Variants in ZNF112 observed in about 807,000 individuals in gnomAD.
ZNF112 encodes the protein zinc finger protein 112 (Y14).
Under a neutral mutation model 77.7 loss-of-function variants are expected in ZNF112, and 37 were observed. The ratio of observed to expected loss-of-function variants is 0.48; its 90% confidence interval spans 0.37 to 0.63. The LOEUF (loss-of-function observed/expected upper bound fraction) is 0.63, where lower values mean the gene tolerates loss of function less well. ZNF112 is among the 20% of genes least tolerant of loss of function. ZNF112 has a pLI of 0.00. For missense variants in ZNF112, 950 were observed against 1,077.4 expected (o/e 0.88, Z 1.66); for synonymous variants, 333 against 363.6 (o/e 0.92, Z 0.96).
chr19:44,343,246 C>T (rs1970524267), intron 1 of ZNF112: 1 of 1,612,900 alleles, frequency 6.2e-7, no homozygotes, highest in Non-Finnish European at 8.5e-7. Context: ...AAATGAAAAC[C>T]AGCTCACCTG....
At chr19:44,360,195 G>T (rs138450572), upstream of ZNF112, among the ~76,000 whole-genome samples, 6,762 of 149,964 alleles carry the variant, frequency 0.045, 524 homozygotes, top group African/African-American at 0.16. Flanking sequence ...GATGGAGATT[G>T]CAGTGAGCTG....
chr19:44,338,208 A>T (rs180915902), intron 2 of ZNF112, among the ~76,000 whole-genome samples: 9 of 152,248 alleles, frequency 5.9e-5, no homozygotes, highest in African/African-American at 1.9e-4. Flanking sequence ...CCCTACAAAT[A>T]ACATTGAAAT....
rs1423812884 is a variant in ZNF112, at chr19:44,329,839, A to T, written c.318T>A (p.Ser106Arg). 4 of 1,613,954 alleles carry T rather than the reference A, an allele frequency of 2.5e-6. No individual in the cohort carries two copies. The highest frequency in any genetic ancestry group is 3.4e-6 in the Non-Finnish European group (4 of 1,179,984). Residue 106 changes from serine (S) to arginine (R), a missense_variant, in exon 4 of 4, where the codon AGT becomes AGA. Around this residue, in one of 3 missense-constraint regions of ZNF112, gnomAD observed 560 missense variants for 557.3 expected, o/e 1.00. Coordinates refer to ENST00000354340, the MANE Select transcript of ZNF112 (RefSeq NM_013380.4). ...CTTGACACCTGATTAACCCACCTGC[A>T]CTTTGTTGCCAGGTCTGACGGGAGG... ...ELSSRQTWQQ[S>R]AGGLIRCQDF... is the part of the protein sequence containing the mutation.
intron 3 of ZNF112, among the ~76,000 whole-genome samples, chr19:44,333,879 C>G (rs981267108): frequency 6.6e-6 from 1 of 152,004 alleles, no homozygotes; most frequent in East Asian, 1.9e-4. Context: ...TATAAAGATA[C>G]CTGAAAACGT....
chr19:44,350,750 A>C (rs953792357), intron 1 of ZNF112, among the ~76,000 whole-genome samples: 1 of 152,048 alleles, frequency 6.6e-6, no homozygotes, highest in Non-Finnish European at 1.5e-5. Context: ...GTGTTTTCAG[A>C]CCTTGATGCA....
rs141323572 is a variant in ZNF112, at chr19:44,328,790, T to G, written c.1367A>C (p.Gln456Pro). The change falls in exon 4 of 4, where the codon CAG becomes CCG. Residue 456 changes from glutamine to proline, a missense_variant. By Grantham distance (76) the Gln-to-Pro change is moderately conservative (BLOSUM62 -1). Around this residue, in one of 3 missense-constraint regions of ZNF112, gnomAD observed 560 missense variants for 557.3 expected, o/e 1.00. Coordinates refer to ENST00000354340, the MANE Select transcript of ZNF112 (RefSeq NM_013380.4). ...TGGTTGTTCCTTAGTGTGGACTATC[T>G]GAAGGTCCTGAAAATGTGAGGCCAG... ...FSLASHFQDL[Q>P]IVHTKEQPYK... 1.4e-4 allele frequency: 228 copies of G among 1,614,110 alleles called. No individual in the cohort carries two copies. In the African/African-American group the frequency reaches 2.7e-3, roughly 19 times the overall value.
At chr19:44,364,225 T>C (rs1479854999) in intron 1 of ZNF112, among the ~76,000 whole-genome samples, 1 of 152,180 alleles carries the variant, frequency 6.6e-6, no homozygotes, top group Non-Finnish European at 1.5e-5. Flanking sequence ...TCAGTATTTT[T>C]AATATCTGCC....
At chr19:44,339,051 ACT>A (rs1432018012) in intron 2 of ZNF112, among the ~76,000 whole-genome samples, 2 of 152,154 alleles carry the variant, frequency 1.3e-5, no homozygotes, top group Admixed American at 6.5e-5. Flanking sequence ...ACAGAGTGAG[ACT>A]CTGTCTCAAA....
chr19:44,330,196 T>C (rs1267007666), intron 3 of ZNF112, among the ~76,000 whole-genome samples: 6 of 152,126 alleles, frequency 3.9e-5, no homozygotes, highest in Admixed American at 6.5e-5. Context: ...TCAAAGGAAA[T>C]ACTCATTGGA....
intron 1 of ZNF112, among the ~76,000 whole-genome samples, chr19:44,354,513 C>T (rs1008528746): frequency 2.6e-5 from 4 of 152,148 alleles, no homozygotes; most frequent in African/African-American, 9.7e-5. Flanking sequence ...CTCTTCAACT[C>T]TTCAATACTC....
intron 1 of ZNF112, among the ~76,000 whole-genome samples, chr19:44,365,908 T>C (rs1346979776): frequency 6.6e-6 from 1 of 152,172 alleles, no homozygotes. Context: ...AAGAATTAAA[T>C]TAACATAACA....
At chr19:44,351,334 T>C (rs889483088) in intron 1 of ZNF112, among the ~76,000 whole-genome samples, 5 of 152,118 alleles carry the variant, frequency 3.3e-5, no homozygotes, top group Admixed American at 3.3e-4. Flanking sequence ...GGAATTAGGA[T>C]ATGGACATCT....
chr19:44,358,019 G>A (rs1237633299), upstream of ZNF112, among the ~76,000 whole-genome samples: 1 of 152,106 alleles, frequency 6.6e-6, no homozygotes, highest in Non-Finnish European at 1.5e-5. Flanking sequence ...GGGCGTGGTG[G>A]CGGGCACCTG....
chr19:44,338,690 A>C (rs1353391007), intron 2 of ZNF112, among the ~76,000 whole-genome samples: 1 of 152,234 alleles, frequency 6.6e-6, no homozygotes, highest in African/African-American at 2.4e-5. Context: ...GAAATGTTCT[A>C]AATTAAAGAA....
chr19:44,366,206 A>T (rs879291775), intron 1 of ZNF112, among the ~76,000 whole-genome samples: 4 of 152,066 alleles, frequency 2.6e-5, no homozygotes, highest in Middle Eastern at 3.2e-3. Context: ...ATAAATTTAA[A>T]TTTTTTTCTT....
intron 3 of ZNF112, among the ~76,000 whole-genome samples, chr19:44,334,636 G>A (rs539603686): frequency 4.7e-4 from 71 of 152,338 alleles, no homozygotes; most frequent in African/African-American, 1.6e-3. Flanking sequence ...TGAAGGACAC[G>A]GCACCCTGCA....
At position 44,342,224 on chromosome 19, in the gene ZNF112, GAAGAATCTAGCTCTTCTTATAT is replaced by G. The variant is rs555064579; in HGVS notation, c.-3-1704_-3-1683del. 4.5e-3 allele frequency among the ~76,000 whole-genome samples: 681 copies of G among 152,288 alleles called. 2 individuals are homozygous for G. The highest frequency in any genetic ancestry group is 7.7e-3 in the Non-Finnish European group (521 of 68,024). Reference sequence around the variant, plus strand: ...ATAAACACATAGCTATAGGTACTGAGAAGAATCTAGCTCTTCTTATATAAGAATCTAGCTCTTCTTGTACAAA... The same window carrying G: ...ATAAACACATAGCTATAGGTACTGAGAAGAATCTAGCTCTTCTTGTACAAA... On this transcript the variant is annotated intron_variant, in intron 1 of 3. Transcript: ENST00000354340.
chr19:44,359,125 G>A (rs1488433697), upstream of ZNF112, among the ~76,000 whole-genome samples: 1 of 151,962 alleles, frequency 6.6e-6, no homozygotes, highest in Admixed American at 6.6e-5. Flanking sequence ...TTTGAGCTCA[G>A]AGACAGCAGA....
intron 2 of ZNF112, among the ~76,000 whole-genome samples, chr19:44,337,805 C>A (rs1970409288): frequency 6.9e-6 from 1 of 145,928 alleles, no homozygotes. Flanking sequence ...ATACATATTT[C>A]TATGTGTGTA....
Sources: allele counts gnomAD v4.1 joint callset (sites outside exome capture counted in the v4.1 genomes callset), GRCh38; gene constraint gnomAD v4.1.1; regional missense constraint gnomAD v4.1.1; transcripts MANE v1.5; gene names NCBI Gene and HGNC (gene_info 2026-07-23, HGNC 2026-07-21).